The following CDYL variants were observed in gnomAD, a reference collection of about 807,000 sequenced individuals.
CDYL encodes the protein chromodomain Y like.
Under a neutral mutation model 47.3 loss-of-function variants are expected in CDYL, and 8 were observed. That is an observed-to-expected ratio of 0.17 (90% CI 0.10 to 0.31). The LOEUF (loss-of-function observed/expected upper bound fraction) is 0.31, where lower values mean the gene tolerates loss of function less well. Ranked by LOEUF, CDYL falls within the 10% of genes least tolerant of loss-of-function variation. The pLI is 1.00. For missense variants in CDYL, 471 were observed against 701.4 expected (o/e 0.67, Z 3.71); for synonymous variants, 266 against 265.0 (o/e 1.00, Z -0.04).
At chr6:4,708,721 C>T (rs1757092837) in intron 1 of CDYL, among the ~76,000 whole-genome samples, 1 of 152,138 alleles carries the variant, frequency 6.6e-6, no homozygotes, top group South Asian at 2.1e-4. Flanking sequence ...ATAACCACCA[C>T]TAAGGTCAAG....
intron 1 of CDYL, among the ~76,000 whole-genome samples, chr6:4,783,707 C>T (rs1018139833): frequency 5.9e-5 from 9 of 152,148 alleles, no homozygotes; most frequent in Non-Finnish European, 1.2e-4. Flanking sequence ...GTGAGCCACA[C>T]TGCACCTGGC....
intron 1 of CDYL, among the ~76,000 whole-genome samples, chr6:4,866,188 G>A (rs1435488375): frequency 6.6e-6 from 1 of 152,122 alleles, no homozygotes; most frequent in Non-Finnish European, 1.5e-5. Context: ...AAATTTTGGA[G>A]TCGGTCAAGT....
intron 1 of CDYL, among the ~76,000 whole-genome samples, chr6:4,841,984 T>C (rs532290497): frequency 6.2e-5 from 9 of 145,712 alleles, no homozygotes; most frequent in African/African-American, 2.0e-4. Context: ...ATATTAATAA[T>C]AAATTATTAA....
intron 1 of CDYL, among the ~76,000 whole-genome samples, chr6:4,875,450 CA>C (rs1157795588): frequency 1.3e-5 from 2 of 152,140 alleles, no homozygotes; most frequent in African/African-American, 4.8e-5. Flanking sequence ...ATAAATATGG[CA>C]TGTCGCCCAA....
chr6:4,881,493 A>G (rs935041619), intron 1 of CDYL, among the ~76,000 whole-genome samples: 1 of 152,158 alleles, frequency 6.6e-6, no homozygotes, highest in African/African-American at 2.4e-5. Flanking sequence ...CTGGCATTTC[A>G]TGGTTTAAAT....
At chr6:4,739,253 C>T (rs1232262036) in intron 3 of CDYL, among the ~76,000 whole-genome samples, 5 of 151,870 alleles carry the variant, frequency 3.3e-5, no homozygotes, top group Admixed American at 6.6e-5. Flanking sequence ...CACAGTGGCT[C>T]ACTCCTGTAA....
At chr6:4,943,273 G>A (rs959003643) in intron 4 of CDYL, among the ~76,000 whole-genome samples, 3 of 152,136 alleles carry the variant, frequency 2.0e-5, no homozygotes, top group Admixed American at 2.0e-4. Context: ...GCAAATTCCA[G>A]TGCAGCTCAT....
intron 1 of CDYL, among the ~76,000 whole-genome samples, chr6:4,859,735 G>A (rs967663163): frequency 6.6e-6 from 1 of 152,082 alleles, no homozygotes; most frequent in Non-Finnish European, 1.5e-5. Flanking sequence ...TGGTGAATAA[G>A]GGCATCTGTT....
At chr6:4,907,630 C>T (rs1581254994) in intron 2 of CDYL, among the ~76,000 whole-genome samples, 1 of 152,306 alleles carries the variant, frequency 6.6e-6, no homozygotes, top group East Asian at 1.9e-4. Context: ...CAGCATCAGC[C>T]TCCCAAAGTG....
intron 2 of CDYL, among the ~76,000 whole-genome samples, chr6:4,909,804 G>C (rs1404359798): frequency 6.6e-6 from 1 of 151,642 alleles, no homozygotes; most frequent in East Asian, 1.9e-4. Flanking sequence ...TCGATCTCCT[G>C]ATCTTGTGAT....
intron 1 of CDYL, among the ~76,000 whole-genome samples, chr6:4,821,337 G>C (rs1759831432): frequency 7.1e-6 from 1 of 141,316 alleles, no homozygotes; most frequent in Non-Finnish European, 1.5e-5. Flanking sequence ...GAGTGCAGTG[G>C]TGTGATCTCG....
intron 1 of CDYL, among the ~76,000 whole-genome samples, chr6:4,851,719 C>G (rs908371154): frequency 6.6e-6 from 1 of 152,186 alleles, no homozygotes; most frequent in Non-Finnish European, 1.5e-5. Flanking sequence ...AATCCCTGAT[C>G]GTGGCTGTGC....
intron 2 of CDYL, among the ~76,000 whole-genome samples, chr6:4,912,975 C>G (rs1446109626): frequency 4.6e-5 from 7 of 152,202 alleles, no homozygotes; most frequent in Non-Finnish European, 5.9e-5. Context: ...AATGTTCAAA[C>G]CATAGCAGCT....
chr6:4,810,248 A>G (rs140866097), intron 1 of CDYL, among the ~76,000 whole-genome samples: 1 of 152,212 alleles, frequency 6.6e-6, no homozygotes, highest in East Asian at 1.9e-4. Flanking sequence ...CCTAACTCCT[A>G]CTTCACAAGA....
At chr6:4,713,420 CTT>C (rs773987073) in intron 1 of CDYL, among the ~76,000 whole-genome samples, 3 of 152,168 alleles carry the variant, frequency 2.0e-5, no homozygotes, top group South Asian at 2.1e-4. Context: ...CCGCTCTGCT[CTT>C]TGTCAGGGCT....
chr6:4,733,170 TAGCCTGCCTGATG>T (rs1367395110), intron 2 of CDYL: 1 of 152,208 alleles, frequency 6.6e-6, no homozygotes, highest in Admixed American at 6.6e-5. Flanking sequence ...GCCTGAGCAG[TAGCCTGCCTGATG>T]ATGATCAAGC....
chr6:4,939,049 C>A (rs1321993264), intron 4 of CDYL, among the ~76,000 whole-genome samples: 1 of 152,134 alleles, frequency 6.6e-6, no homozygotes, highest in Non-Finnish European at 1.5e-5. Flanking sequence ...CCCCATAAAC[C>A]CTTTGTGCTT....
chr6:4,933,327 A>G (rs1043767509), intron 2 of CDYL, among the ~76,000 whole-genome samples: 2 of 152,128 alleles, frequency 1.3e-5, no homozygotes, highest in Non-Finnish European at 2.9e-5. Flanking sequence ...ACCCTGGAGG[A>G]GCAAGCATCT....
intron 2 of CDYL, among the ~76,000 whole-genome samples, chr6:4,922,957 A>T (rs927602723): frequency 6.6e-6 from 1 of 151,952 alleles, no homozygotes; most frequent in South Asian, 2.1e-4. Flanking sequence ...TTTATTTTTT[A>T]CTATTTTTAC....
Sources: allele counts gnomAD v4.1 joint callset (sites outside exome capture counted in the v4.1 genomes callset), GRCh38; gene constraint gnomAD v4.1.1; transcripts MANE v1.5; gene names NCBI Gene and HGNC (gene_info 2026-07-23, HGNC 2026-07-21).